RABL6: variants seen among roughly 807,000 people sequenced by gnomAD.
RABL6 encodes RAB, member RAS oncogene family like 6, also known as rab-like protein 6.
A neutral mutation model predicts 72.9 loss-of-function variants in RABL6; 28 were observed. The observed-to-expected ratio is 0.38, with a 90% confidence interval of 0.28 to 0.53. The LOEUF is 0.53. RABL6 is among the 20% of genes least tolerant of loss of function. RABL6 has a pLI of 0.80. For synonymous variants in RABL6, 477 were observed against 421.2 expected, an observed-to-expected ratio of 1.13 and a Z score of -1.62; for missense variants, 1,029 against 1,008.4, an observed-to-expected ratio of 1.02 and a Z score of -0.28.
chr9:136,840,004 A>G, intron 13 of RABL6, 139 bp downstream of exon 13: 2 of 1,476,738 alleles, frequency 1.4e-6, no homozygotes, highest in Admixed American at 1.9e-5. Flanking sequence ...CCCCTGCAGG[A>G]GCTGATGTTT....
At position 136,839,372 on chromosome 9, in the gene RABL6, G is replaced by C. The variant is rs201567372; in HGVS notation, c.1644G>C (p.Glu548Asp). Residue 548 changes from glutamate (E) to aspartate (D), a missense_variant, in exon 12 of 15, where the codon GAG (glutamate) becomes GAC (aspartate). Glu to Asp is a conservative substitution (Grantham distance 45). Coordinates refer to ENST00000311502, the MANE Select transcript of RABL6 (RefSeq NM_024718.5). ...PPAEMEPGKG[E>D]QASSSESDPE... The stretch of plus-strand genomic sequence containing the variant: ...CTGAGATGGAGCCGGGGAAGGGTGA[G>C]CAGGCCTCCTCGTCGGAGAGTGACC... The C allele has an allele frequency of 3.0e-5, 48 of 1,612,696 alleles. No individual in the cohort carries two copies. The African/African-American group carries it at 4.9e-4, about 17-fold the overall frequency.
chr9:136,839,262 C>G lies in RABL6; in HGVS notation c.1534C>G (p.Pro512Ala). The G allele has an allele frequency of 6.2e-7, 1 of 1,606,122 alleles. No homozygotes were observed. Among genetic ancestry groups the G allele is most frequent in the Non-Finnish European group, 8.5e-7 (1 of 1,176,868 alleles). ...TTCGAAGCCACGGAGGGGGACAGCTCCCACGAGGACCGCAGCACCCCCCTG... is the reference window on the plus strand; with the variant it reads ...TTCGAAGCCACGGAGGGGGACAGCTGCCACGAGGACCGCAGCACCCCCCTG... ...PASKPRRGTA[P>A]TRTAAPPWPG... is the part of the protein sequence containing the mutation. The change falls in exon 12 of 15, where the codon CCC (proline) becomes GCC (alanine). Residue 512 changes from proline to alanine, a missense_variant. Coordinates refer to ENST00000311502, the MANE Select transcript of RABL6 (RefSeq NM_024718.5).
At chr9:136,810,513 A>G (rs1281788626) in intron 1 of RABL6, among the ~76,000 whole-genome samples, 1 of 152,230 alleles carries the variant, frequency 6.6e-6, no homozygotes, top group African/African-American at 2.4e-5. Flanking sequence ...GTGTTAGAAT[A>G]GAAAGTTTCT....
Position 136,834,487 on chromosome 9 carries a change from A to C in RABL6, c.706-1255A>C, listed in dbSNP as rs1848547337. On this transcript the variant is annotated intron_variant, in intron 7 of 14. Coordinates refer to ENST00000311502, the MANE Select transcript of RABL6 (RefSeq NM_024718.5). Reference sequence around the variant, plus strand: ...CTGGGGACCTTAATGACTTTAATACACTCTTTTTTTTGGAGACGGAGTCTC... The same window carrying C: ...CTGGGGACCTTAATGACTTTAATACCCTCTTTTTTTTGGAGACGGAGTCTC... 9.2e-6 allele frequency: 9 copies of C among 975,376 alleles called. No individual in the cohort carries two copies. The South Asian group carries it at 3.8e-4, about 41-fold the overall frequency. 60.4% of individuals were successfully genotyped at this position (975,376 alleles called of 1,614,324 possible).
intron 1 of RABL6, chr9:136,815,140 A>C (rs1848091072): frequency 3.3e-6 from 1 of 304,030 alleles, no homozygotes; most frequent in African/African-American, 2.3e-5. Context: ...GTTCAGAGTC[A>C]TCCTCCTCCT....
intron 8 of RABL6, 31 bp downstream of exon 8, chr9:136,835,876 T>C: frequency 1.3e-6 from 2 of 1,539,214 alleles, no homozygotes; most frequent in Non-Finnish European, 1.8e-6. Context: ...GTGCGGGCGG[T>C]GTGGGGGCTG....
At chr9:136,821,270 C>T (rs1848230130) in intron 1 of RABL6, 1 of 957,934 alleles carries the variant, frequency 1.0e-6, no homozygotes. Flanking sequence ...TGGTTCTGGC[C>T]GCGGGAAAAC....
rs1465977069 is a variant in RABL6, at chr9:136,840,998, C to T, written c.*476C>T. The T allele has an allele frequency of 1.5e-5, 22 of 1,440,532 alleles. No individual in the cohort carries two copies. Among genetic ancestry groups the T allele is most frequent in the East Asian group, 1.3e-4 (5 of 39,306 alleles). 89.2% of individuals were successfully genotyped at this position (1,440,532 alleles called of 1,614,324 possible). A position where few individuals can be genotyped will look rare whatever the true frequency, so the allele number is the denominator to read the frequency against. On this transcript the variant is annotated 3_prime_UTR_variant, in exon 15 of 15. Coordinates refer to ENST00000311502, the MANE Select transcript of RABL6 (RefSeq NM_024718.5). ...GGGTGTGCAGACTCACCCTAAAGGG[C>T]GGCCCAGGCCCCACGCTAGAAGGCT...
chr9:136,810,743 G>A (rs1014799481), intron 1 of RABL6, among the ~76,000 whole-genome samples: 7 of 152,096 alleles, frequency 4.6e-5, no homozygotes, highest in Non-Finnish European at 8.8e-5. Flanking sequence ...GGATTTCACC[G>A]TGTTAGCCAG....
intron 1 of RABL6, among the ~76,000 whole-genome samples, chr9:136,816,025 C>T (rs1848112810): frequency 6.6e-6 from 1 of 152,010 alleles, no homozygotes. Flanking sequence ...TAGCTTATTG[C>T]AGCCAACATT....
Position 136,837,927 on chromosome 9 carries a change from C to T in RABL6, c.1192C>T (p.Arg398Cys), listed in dbSNP as rs372444796. 2.1e-4 allele frequency: 324 copies of T among 1,556,190 alleles called. No individual in the cohort carries two copies. Among genetic ancestry groups the T allele is most frequent in the East Asian group, 6.5e-4 (27 of 41,362 alleles). Residue 398 changes from arginine to cysteine, a missense_variant, in exon 10 of 15, where the codon CGC becomes TGC. By Grantham distance (180) the Arg-to-Cys change is radical. This residue lies in a region of RABL6 where 595 missense variants were observed against 472.4 expected (regional missense o/e 1.26). Coordinates refer to ENST00000311502, the MANE Select transcript of RABL6 (RefSeq NM_024718.5). ...TGTGGAGGACTTTGTTCCTGACGAC[C>T]GCCTGGACCGCAGCTTCCTGGAAGA... The part of the protein sequence containing the change: ...QSVEDFVPDD[R>C]LDRSFLEDTT...
intron 1 of RABL6, among the ~76,000 whole-genome samples, chr9:136,817,058 G>A (rs1440127114): frequency 2.0e-5 from 3 of 152,172 alleles, no homozygotes; most frequent in Admixed American, 6.5e-5. Context: ...AAAACCATGA[G>A]CAGACAGTTT....
In RABL6 at chr9:136,826,178, C is replaced by T. The variant is rs1336306652; in HGVS notation, c.313+352C>T. Among the ~76,000 whole-genome samples, 2 of 152,302 alleles carry T rather than the reference C, an allele frequency of 1.3e-5. No individual in the cohort carries two copies. Among genetic ancestry groups the T allele is most frequent in the Admixed American group, 1.3e-4 (2 of 15,304 alleles). ...GGCGGAGTAGCCCAGCACCAGGCGG[C>T]CCCCTGCCCATAGCTGAGGACCCAG... On this transcript the variant is annotated intron_variant, in intron 3 of 14. Coordinates refer to ENST00000311502, the MANE Select transcript of RABL6 (RefSeq NM_024718.5). This position sits in a 1 kb window ranked among gnomAD's most constrained non-coding sequence, Gnocchi z 4.9.
At chr9:136,829,856 C>T (rs1267224199) in intron 5 of RABL6, among the ~76,000 whole-genome samples, 1 of 152,204 alleles carries the variant, frequency 6.6e-6, no homozygotes, top group Non-Finnish European at 1.5e-5. Flanking sequence ...GACCCACAGC[C>T]AAGATTCATT....
Position 136,831,579 on chromosome 9 carries a change from G to A in RABL6, c.459-142G>A, listed in dbSNP as rs185976622. 8.7e-4 allele frequency: 1,077 copies of A among 1,236,288 alleles called. 1 individual carries two copies. The highest frequency in any genetic ancestry group is 1.1e-3 in the Non-Finnish European group (931 of 880,028). The allele number at this position is 1,236,288 out of a possible 1,614,324, so 76.6% of individuals were successfully genotyped here. ...GAGGCACTTCCCTCTAGCTCTGCAT[G>A]CACGAGGCATGCTTCTGCTGGGTTG... On this transcript the variant is annotated intron_variant, in intron 5 of 14. Coordinates refer to ENST00000311502, the MANE Select transcript of RABL6 (RefSeq NM_024718.5).
intron 8 of RABL6, 194 bp downstream of exon 8, chr9:136,836,039 G>A: frequency 1.7e-6 from 1 of 582,908 alleles, no homozygotes; most frequent in Non-Finnish European, 3.1e-6. Context: ...GTCACCCCTG[G>A]CGTGGACTCC....
At chr9:136,832,030 G>A in intron 6 of RABL6, 169 bp downstream of exon 6, 1 of 1,119,894 alleles carries the variant, frequency 8.9e-7, no homozygotes, top group Non-Finnish European at 1.2e-6. Flanking sequence ...CCGATGGCAG[G>A]GCCGGGAACT....
chr9:136,821,762 G>C, intron 1 of RABL6: 1 of 1,157,070 alleles, frequency 8.6e-7, no homozygotes, highest in Non-Finnish European at 1.1e-6. Context: ...GGGCTGGAGG[G>C]CGCTGCAGGC....
chr9:136,838,820 G>T, intron 10 of RABL6, 89 bp from the exon 11 acceptor site: 1 of 1,214,932 alleles, frequency 8.2e-7, no homozygotes, highest in Non-Finnish European at 1.1e-6. Flanking sequence ...GGGTGTGCTG[G>T]GTACCAGGGC....
Sources: gnomAD v4.1 joint callset for allele counts (sites outside exome capture counted in the v4.1 genomes callset) on GRCh38, gnomAD v4.1.1 for gene constraint, gnomAD v4.1.1 regional missense constraint, Gnocchi (gnomAD v3.1) non-coding constraint, MANE v1.5 for transcripts, NCBI Gene and HGNC (gene_info 2026-07-23, HGNC 2026-07-21) for gene names.